MCCC2: variants seen among roughly 807,000 people sequenced by gnomAD.
MCCC2 encodes the protein methylcrotonoyl-CoA carboxylase beta chain, mitochondrial.
MCCC2 carries 52 observed loss-of-function variants against 77.2 expected under a neutral mutation model. That is an observed-to-expected ratio of 0.67 (90% CI 0.54 to 0.85). The LOEUF (loss-of-function observed/expected upper bound fraction) is 0.85, where lower values mean the gene tolerates loss of function less well. Ranked by LOEUF, MCCC2 falls within the 40% of genes least tolerant of loss-of-function variation. The pLI is 0.00. For missense variants in MCCC2, 682 were observed against 703.2 expected (o/e 0.97, Z 0.34); for synonymous variants, 253 against 248.4 (o/e 1.02, Z -0.18).
At chr5:71,610,551 G>A (rs550855308) in intron 6 of MCCC2, among the ~76,000 whole-genome samples, 36 of 152,298 alleles carry the variant, frequency 2.4e-4, no homozygotes, top group African/African-American at 8.2e-4. Context: ...GCTGAGAGCT[G>A]TAGACCGGAG....
intron 2 of MCCC2, among the ~76,000 whole-genome samples, chr5:71,594,873 G>A (rs1408916205): frequency 2.7e-5 from 4 of 149,876 alleles, no homozygotes; most frequent in African/African-American, 9.8e-5. Context: ...AATTGCTAAA[G>A]AGTGATGTTG....
chr5:71,655,392 G>A (rs544953758), intron 16 of MCCC2, among the ~76,000 whole-genome samples: 10 of 152,290 alleles, frequency 6.6e-5, no homozygotes, highest in East Asian at 1.9e-4. Context: ...CATATGTAGC[G>A]TGCCAATTTG....
intron 3 of MCCC2, among the ~76,000 whole-genome samples, 158 bp from the exon 4 acceptor site, chr5:71,599,501 A>G (rs1359609672): frequency 6.6e-6 from 1 of 152,190 alleles, no homozygotes; most frequent in African/African-American, 2.4e-5. Context: ...TTGAGCCACC[A>G]CACCCATTTT....
intron 2 of MCCC2, among the ~76,000 whole-genome samples, chr5:71,593,510 G>T (rs1005972313): frequency 1.2e-4 from 18 of 151,902 alleles, no homozygotes; most frequent in African/African-American, 4.3e-4. Flanking sequence ...GAAAAGTAAA[G>T]ATTCAAATTC....
intron 6 of MCCC2, among the ~76,000 whole-genome samples, chr5:71,605,151 C>T (rs1349834291): frequency 2.2e-5 from 2 of 91,002 alleles, no homozygotes; most frequent in African/African-American, 3.5e-5. Flanking sequence ...CCTGAGGAAT[C>T]GCCACACTGA....
chr5:71,636,129 G>A lies in MCCC2; in HGVS notation c.999+883G>A, dbSNP rs537074308. The A allele has an allele frequency of 7.2e-4, 295 of 407,160 alleles. 1 individual carries two copies. The highest frequency in any genetic ancestry group is 4.8e-3 in the African/African-American group (236 of 48,702). 25.2% of individuals were successfully genotyped at this position (407,160 alleles called of 1,614,324 possible). On this transcript the variant is annotated intron_variant, in intron 10 of 16. Coordinates refer to ENST00000340941, the MANE Select transcript of MCCC2 (RefSeq NM_022132.5). ...AAATTCTTCATGAAATATTTTCTAC[G>A]GCTAGATCTTAATTCCTATAATAGT...
chr5:71,640,944 T>C, intron 10 of MCCC2, 59 bp from the exon 11 acceptor site: 1 of 1,452,618 alleles, frequency 6.9e-7, no homozygotes, highest in South Asian at 1.1e-5. Context: ...TAAGTAACTT[T>C]AATACAAAAA....
At chr5:71,594,659 C>T (rs1745105088) in intron 2 of MCCC2, among the ~76,000 whole-genome samples, 1 of 151,842 alleles carries the variant, frequency 6.6e-6, no homozygotes, top group South Asian at 2.1e-4. Context: ...GGGTAGAGGA[C>T]TGAGCCGGAC....
intron 14 of MCCC2, 134 bp from the exon 15 acceptor site, chr5:71,649,935 T>C (rs1747386318): frequency 4.1e-6 from 3 of 731,308 alleles, no homozygotes; most frequent in East Asian, 5.5e-5. Flanking sequence ...ATTTGTATAT[T>C]TGTGAAAGCT....
At chr5:71,641,947 G>A (rs1747132329) in intron 11 of MCCC2, among the ~76,000 whole-genome samples, 1 of 152,194 alleles carries the variant, frequency 6.6e-6, no homozygotes, top group South Asian at 2.1e-4. Context: ...GTGATTAAAA[G>A]CTTTTTGTTT....
At chr5:71,612,200 C>G (rs1318963616) in intron 6 of MCCC2, among the ~76,000 whole-genome samples, 3 of 152,096 alleles carry the variant, frequency 2.0e-5, no homozygotes, top group African/African-American at 7.2e-5. Flanking sequence ...GTTTGTTATT[C>G]TGTAATTTTT....
intron 1 of MCCC2, among the ~76,000 whole-genome samples, chr5:71,589,769 A>C (rs1002500122): frequency 1.2e-4 from 19 of 152,206 alleles, no homozygotes; most frequent in African/African-American, 4.3e-4. Context: ...ATTTATCATA[A>C]TGATCCTGTG....
chr5:71,604,130 C>A (rs780985851), intron 5 of MCCC2, among the ~76,000 whole-genome samples: 1 of 152,114 alleles, frequency 6.6e-6, no homozygotes, highest in African/African-American at 2.4e-5. Context: ...CTAACCATTT[C>A]GAGAAGAATT....
intron 15 of MCCC2, among the ~76,000 whole-genome samples, chr5:71,650,421 T>C (rs1255981442): frequency 1.3e-5 from 2 of 152,208 alleles, no homozygotes; most frequent in Non-Finnish European, 2.9e-5. Flanking sequence ...CCATTTAAAA[T>C]TGTTTCAGAA....
intron 6 of MCCC2, among the ~76,000 whole-genome samples, chr5:71,611,934 G>A (rs371670715): frequency 5.1e-4 from 78 of 151,690 alleles, no homozygotes; most frequent in African/African-American, 1.8e-3. Flanking sequence ...GACTACAGGC[G>A]CCCACCACCA....
chr5:71,638,090 T>C (rs1373904774), intron 10 of MCCC2, among the ~76,000 whole-genome samples: 3 of 152,232 alleles, frequency 2.0e-5, no homozygotes, highest in African/African-American at 7.2e-5. Flanking sequence ...TAATACTCTA[T>C]ATCCGTAATT....
intron 7 of MCCC2, among the ~76,000 whole-genome samples, chr5:71,627,605 G>A (rs1341899802): frequency 1.3e-5 from 2 of 152,160 alleles, no homozygotes; most frequent in Non-Finnish European, 2.9e-5. Context: ...TAGAATTGCT[G>A]GATCATGTGG....
At chr5:71,649,414 G>A (rs1747371753) in intron 14 of MCCC2, among the ~76,000 whole-genome samples, 161 bp downstream of exon 14, 1 of 152,198 alleles carries the variant, frequency 6.6e-6, no homozygotes, top group South Asian at 2.1e-4. Context: ...GAAATTTAAT[G>A]CCAAAGGTGT....
At chr5:71,587,703 G>C in intron 1 of MCCC2, 149 bp downstream of exon 1, 3 of 1,108,490 alleles carry the variant, frequency 2.7e-6, no homozygotes, top group Non-Finnish European at 3.8e-6. Context: ...AAGCCTAACA[G>C]ATACAAGAAA....
Sources: gnomAD v4.1 joint callset for allele counts (sites outside exome capture counted in the v4.1 genomes callset) on GRCh38, gnomAD v4.1.1 for gene constraint, MANE v1.5 for transcripts, NCBI Gene and HGNC (gene_info 2026-07-23, HGNC 2026-07-21) for gene names.